IKBKB-DT: variants seen among roughly 807,000 people sequenced by gnomAD.
IKBKB-DT encodes IKBKB divergent transcript, also known as IKBKB antisense RNA.
At chr8:42,239,632 A>ATATATATATATATATATATATATATT (rs1287944961) in intron 3 of IKBKB-DT, among the ~76,000 whole-genome samples, 26 of 86,958 alleles carry the variant, frequency 3.0e-4, no homozygotes, top group African/African-American at 3.9e-4. Context: ...ATATATATAT[A>ATATATATATATATATATATATATATT]TATTTATTTA....
chr8:42,247,858 G>C (rs1414103795), intron 3 of IKBKB-DT, among the ~76,000 whole-genome samples: 3 of 152,148 alleles, frequency 2.0e-5, no homozygotes, highest in African/African-American at 7.2e-5. Context: ...ACTTTGGGAG[G>C]CTAAGGCGGG....
intron 3 of IKBKB-DT, among the ~76,000 whole-genome samples, chr8:42,243,746 G>A: frequency 6.6e-6 from 1 of 152,196 alleles, no homozygotes; most frequent in African/African-American, 2.4e-5. Flanking sequence ...AGGTCATGTT[G>A]TTCAGAACAT....
At chr8:42,251,105 G>A (rs1023680194) in intron 3 of IKBKB-DT, among the ~76,000 whole-genome samples, 6 of 152,124 alleles carry the variant, frequency 3.9e-5, no homozygotes, top group African/African-American at 1.4e-4. Context: ...TCTACTGCTA[G>A]AAATACCAAA....
intron 3 of IKBKB-DT, among the ~76,000 whole-genome samples, chr8:42,247,385 G>A (rs1419141995): frequency 5.9e-5 from 9 of 152,206 alleles, no homozygotes; most frequent in Admixed American, 5.9e-4. Context: ...TTTGCCCAAT[G>A]CCTGTACCTC....
chr8:42,262,718 C>T (rs1212976412), intron 3 of IKBKB-DT, among the ~76,000 whole-genome samples: 2 of 151,850 alleles, frequency 1.3e-5, no homozygotes, highest in Middle Eastern at 3.2e-3. Flanking sequence ...GGATTACAGG[C>T]ATGAGCCACC....
At chr8:42,257,750 A>G (rs1440726681) in intron 3 of IKBKB-DT, among the ~76,000 whole-genome samples, 1 of 152,086 alleles carries the variant, frequency 6.6e-6, no homozygotes, top group Non-Finnish European at 1.5e-5. Flanking sequence ...CCTGGGCAGC[A>G]TAGGAGGAGA....
intron 3 of IKBKB-DT, among the ~76,000 whole-genome samples, chr8:42,241,177 G>T (rs761636811): frequency 1.0e-4 from 14 of 139,068 alleles, no homozygotes; most frequent in Non-Finnish European, 1.8e-4. Flanking sequence ...AAATTAAGAA[G>T]CTACTGGTTT....
At chr8:42,242,087 C>T (rs1321245809) in intron 3 of IKBKB-DT, among the ~76,000 whole-genome samples, 7 of 152,014 alleles carry the variant, frequency 4.6e-5, no homozygotes, top group South Asian at 4.2e-4. Context: ...TGTTGGTGCG[C>T]GCCTGTAATC....
chr8:42,262,953 C>G (rs911733763), intron 3 of IKBKB-DT, among the ~76,000 whole-genome samples: 29 of 151,746 alleles, frequency 1.9e-4, no homozygotes, highest in African/African-American at 7.0e-4. Flanking sequence ...GTTGGCCAGG[C>G]TGATCTCAAA....
intron 3 of IKBKB-DT, among the ~76,000 whole-genome samples, chr8:42,261,449 C>T (rs1807288012): frequency 1.3e-5 from 2 of 152,140 alleles, no homozygotes; most frequent in African/African-American, 4.8e-5. Context: ...AAATAATTAC[C>T]TCTAGCAGCC....
chr8:42,247,442 T>C lies in IKBKB-DT; in HGVS notation n.1530-13583A>G, dbSNP rs545764846. On this transcript the variant is annotated intron_variant and non_coding_transcript_variant, in intron 3 of 3. Transcript: ENST00000518213. ...ACTTGCTTTTGATTTTACTGGCTCA[T>C]AGGCAGAAGGGACTTGCCTAATCTC... is the stretch of plus-strand genomic sequence containing the variant. 6.4e-4 allele frequency among the ~76,000 whole-genome samples: 97 copies of C among 152,336 alleles called. No individual in the cohort carries two copies. The South Asian group carries it at 0.019, about 30-fold the overall frequency.
chr8:42,266,623 C>T (rs1189883942), intron 1 of IKBKB-DT, among the ~76,000 whole-genome samples: 1 of 152,130 alleles, frequency 6.6e-6, no homozygotes, highest in East Asian at 1.9e-4. Flanking sequence ...GGCTGCATTC[C>T]CAGATGGTTA....
chr8:42,263,818 G>C (rs927969355), intron 2 of IKBKB-DT, among the ~76,000 whole-genome samples: 1 of 151,850 alleles, frequency 6.6e-6, no homozygotes, highest in African/African-American at 2.4e-5. Context: ...GCGTTTTTTT[G>C]TTTGTTTTTT....
At chr8:42,243,602 G>A (rs1372540520) in intron 3 of IKBKB-DT, among the ~76,000 whole-genome samples, 1 of 152,098 alleles carries the variant, frequency 6.6e-6, no homozygotes, top group African/African-American at 2.4e-5. Context: ...GTAACTTCAC[G>A]TGAAATTTTT....
chr8:42,254,168 G>T (rs576882645), intron 3 of IKBKB-DT, among the ~76,000 whole-genome samples: 3 of 152,174 alleles, frequency 2.0e-5, no homozygotes, highest in African/African-American at 7.2e-5. Flanking sequence ...CTAATCAGAC[G>T]GGGAGGAAAG....
chr8:42,245,950 A>G (rs1044954359), intron 3 of IKBKB-DT, among the ~76,000 whole-genome samples: 5 of 152,256 alleles, frequency 3.3e-5, no homozygotes, highest in Non-Finnish European at 5.9e-5. Flanking sequence ...GAAGTGGTTA[A>G]TTAAGAAGTG....
chr8:42,248,509 T>C (rs1168038957), intron 3 of IKBKB-DT, among the ~76,000 whole-genome samples: 4 of 152,216 alleles, frequency 2.6e-5, no homozygotes, highest in Non-Finnish European at 5.9e-5. Context: ...TACTGCTCTT[T>C]TTACAGAGAG....
At chr8:42,236,613 CG>C (rs1806924583) in intron 3 of IKBKB-DT, among the ~76,000 whole-genome samples, 1 of 152,078 alleles carries the variant, frequency 6.6e-6, no homozygotes, top group South Asian at 2.1e-4. Context: ...AAAAATTAGC[CG>C]GGCGTGGTGA....
intron 3 of IKBKB-DT, among the ~76,000 whole-genome samples, chr8:42,259,565 A>C (rs1007123953): frequency 6.6e-6 from 1 of 152,202 alleles, no homozygotes; most frequent in African/African-American, 2.4e-5. Flanking sequence ...TTTTTAGTAG[A>C]CATGTGATAA....
Sources: allele counts gnomAD v4.1 joint callset (sites outside exome capture counted in the v4.1 genomes callset), GRCh38; gene constraint gnomAD v4.1.1; transcripts MANE v1.5; gene names NCBI Gene and HGNC (gene_info 2026-07-23, HGNC 2026-07-21).